The following USP5 variants were observed in gnomAD, a reference collection of about 807,000 sequenced individuals.
USP5 encodes the protein ubiquitin specific peptidase 5, also known as ubiquitin carboxyl-terminal hydrolase 5.
A neutral mutation model predicts 102.5 loss-of-function variants in USP5; 24 were observed. The ratio of observed to expected loss-of-function variants is 0.23; its 90% CI spans 0.17 to 0.33. The LOEUF is 0.33. Ranked by LOEUF, USP5 falls within the 10% of genes least tolerant of loss-of-function variation. The pLI, the probability that USP5 is intolerant of heterozygous loss-of-function variation, is 1.00. For synonymous variants in USP5, 460 were observed against 434.8 expected, an observed-to-expected ratio of 1.06 and a Z score of -0.72; for missense variants, 753 against 1,122.1, an observed-to-expected ratio of 0.67 and a Z score of 4.70.
intron 18 of USP5, 130 bp from the exon 19 acceptor site, chr12:6,865,034 T>C: frequency 7.8e-7 from 1 of 1,284,686 alleles, no homozygotes; most frequent in South Asian, 1.4e-5. Flanking sequence ...GGAGACAGGC[T>C]CTGGCCCAGT....
rs781809116 is a variant in USP5, at chr12:6,861,219, G to A, written c.1498+113G>A. On this transcript the variant is annotated intron_variant, in intron 12 of 19. Transcript: ENST00000229268. The surrounding 1 kb of genome is among the most constrained non-coding windows in gnomAD (Gnocchi z 4.9). ...GGGAATGCCCTGCTTCACCAGCCAA[G>A]GTTCCAGTCTGGGCCACCAGGAGTA... 1 of 1,523,962 alleles carries A rather than the reference G, an allele frequency of 6.6e-7. No individual in the cohort carries two copies. Among genetic ancestry groups the A allele is most frequent in the African/African-American group, 1.4e-5 (1 of 72,560 alleles). 94.4% of individuals were successfully genotyped at this position (1,523,962 alleles called of 1,614,324 possible). A position where few individuals can be genotyped will look rare whatever the true frequency, so the allele number is the denominator to read the frequency against.
At chr12:6,857,193 C>T (rs1555128524) in intron 6 of USP5, among the ~76,000 whole-genome samples, 1 of 152,108 alleles carries the variant, frequency 6.6e-6, no homozygotes, top group East Asian at 1.9e-4. Context: ...ACTCAGGAGG[C>T]TGAGGCAGGA....
At position 6,864,407 on chromosome 12, in the gene USP5, T is replaced by C. The variant is rs1402802545; in HGVS notation, c.2244+212T>C. 6.6e-6 allele frequency among the ~76,000 whole-genome samples: 1 copy of C among 152,184 alleles called. No homozygotes were observed. The highest frequency in any genetic ancestry group is 2.4e-5 in the African/African-American group (1 of 41,446). ...TTGTTAAAAATGTAATGCTTCTGTT[T>C]GGCCGGGCGCGGTGGCTCACGCCTG... is the stretch of plus-strand genomic sequence containing the variant. On this transcript the variant is annotated intron_variant, in intron 17 of 19. Transcript: ENST00000229268. The surrounding 1 kb of genome is among the most constrained non-coding windows in gnomAD (Gnocchi z 4.8).
At chr12:6,862,298 C>G (rs978359835) in intron 13 of USP5, among the ~76,000 whole-genome samples, 172 bp from the exon 14 acceptor site, 1 of 152,074 alleles carries the variant, frequency 6.6e-6, no homozygotes, top group Non-Finnish European at 1.5e-5. Flanking sequence ...CTCTACTGCT[C>G]CTCGTTGGCC....
rs1364679966 is a variant in USP5, at chr12:6,863,509, A to G, written c.1954+132A>G. On this transcript the variant is annotated intron_variant, in intron 15 of 19. Transcript: ENST00000229268. This position sits in a 1 kb window ranked among gnomAD's most constrained non-coding sequence, Gnocchi z 4.7. ...ATTTCCTCTGCCCTCTTTGATTGAC[A>G]TGGGGCCTCCCCAGCGCACTCCTAG... The G allele has an allele frequency of 5.1e-6, 6 of 1,187,422 alleles. No individual in the cohort carries two copies. Among genetic ancestry groups the G allele is most frequent in the East Asian group, 2.4e-5 (1 of 41,004 alleles). The allele number at this position is 1,187,422 out of a possible 1,614,324, so 73.6% of individuals were successfully genotyped here.
Position 6,855,677 on chromosome 12 carries a change from ACCTCCTTCCGTC to A in USP5, c.238-71_238-60del. 2 of 1,602,002 alleles carry A rather than the reference ACCTCCTTCCGTC, an allele frequency of 1.2e-6. No homozygotes were observed. The highest frequency in any genetic ancestry group is 1.7e-6 in the Non-Finnish European group (2 of 1,171,394). ...TTATTCCGTTCTGAGATGAAGCACT[ACCTCCTTCCGTC>A]CCTCCTCCCGACTTGTTCCTTCGCT... On this transcript the variant is annotated intron_variant, in intron 2 of 19. Transcript: ENST00000229268. This position sits in a 1 kb window ranked among gnomAD's most constrained non-coding sequence, Gnocchi z 4.6.
chr12:6,854,470 T>G (rs1944049718), intron 1 of USP5, among the ~76,000 whole-genome samples: 1 of 152,122 alleles, frequency 6.6e-6, no homozygotes, highest in South Asian at 2.1e-4. Context: ...GAAAGGTCTT[T>G]TTCGCTGGAT....
In USP5 at chr12:6,861,294, T is replaced by A. The variant is rs932901818; in HGVS notation, c.1499-149T>A. On this transcript the variant is annotated intron_variant, in intron 12 of 19. Transcript: ENST00000229268. This position sits in a 1 kb window ranked among gnomAD's most constrained non-coding sequence, Gnocchi z 4.9. ...CACTCAGCTTGTTAGCAGAGCTGCA[T>A]GGAAACAGGCGAGATATATTGGACA... 1.0e-4 allele frequency: 129 copies of A among 1,285,730 alleles called. No homozygotes were observed. The highest frequency in any genetic ancestry group is 2.7e-4 in the Middle Eastern group (1 of 3,728). The allele number at this position is 1,285,730 out of a possible 1,614,324, so 79.6% of individuals were successfully genotyped here.
rs1944244082 is a variant in USP5 at position 6,860,363 on chromosome 12, C to T, written c.1219-3C>T. 1 of 1,614,040 alleles carries T rather than the reference C, an allele frequency of 6.2e-7. No homozygotes were observed. The highest frequency in any genetic ancestry group is 8.5e-7 in the Non-Finnish European group (1 of 1,180,032). The stretch of plus-strand genomic sequence containing the variant: ...GCTGAGTCCCTGCCCTGACTCTTCC[C>T]AGGAAGTTCAAGATGGCATTGCCCC... On this transcript the variant is annotated splice_polypyrimidine_tract_variant and splice_region_variant and intron_variant, in intron 10 of 19. Transcript: ENST00000229268. The surrounding 1 kb of genome is among the most constrained non-coding windows in gnomAD (Gnocchi z 5.5).
chr12:6,861,501 G>C lies in USP5; in HGVS notation c.1557G>C (p.Leu519=). The C allele has an allele frequency of 6.2e-7, 1 of 1,600,516 alleles. No homozygotes were observed. Among genetic ancestry groups the C allele is most frequent in the Non-Finnish European group, 8.6e-7 (1 of 1,169,254 alleles). The change falls in exon 13 of 20, where the codon CTG becomes CTC. Residue 519 remains leucine (L), a synonymous_variant. Coordinates refer to ENST00000229268, the MANE Select transcript of USP5 (RefSeq NM_001098536.2). The surrounding 1 kb of genome is among the most constrained non-coding windows in gnomAD (Gnocchi z 4.9). The part of the protein sequence containing the change: ...KRQAEEEKMA[L]PELVRAQVPF... ...AAGCCGAAGAGGAGAAGATGGCACTGCCAGAACTGGTTCGGGCCCAGGTGC... is the reference window on the plus strand; with the variant it reads ...AAGCCGAAGAGGAGAAGATGGCACTCCCAGAACTGGTTCGGGCCCAGGTGC...
chr12:6,862,604 A>G, intron 14 of USP5, 46 bp downstream of exon 14: 2 of 1,571,578 alleles, frequency 1.3e-6, no homozygotes, highest in Non-Finnish European at 1.8e-6. Flanking sequence ...ATGCTAGAAA[A>G]AGAAGGGGCT....
rs1944122174 is a variant in USP5 at position 6,856,640 on chromosome 12, C to G, written c.585-67C>G. On this transcript the variant is annotated intron_variant, in intron 5 of 19. Transcript: ENST00000229268. The surrounding 1 kb of genome is among the most constrained non-coding windows in gnomAD (Gnocchi z 5.6). ...GGATTGGCGGGGGGCCTGCAGAGCC[C>G]TCTCTCTCTGCCACTCCCTCAAATC... 6.7e-7 allele frequency: 1 copy of G among 1,483,088 alleles called. No homozygotes were observed. Among genetic ancestry groups the G allele is most frequent in the East Asian group, 2.3e-5 (1 of 43,568 alleles). The allele number at this position is 1,483,088 out of a possible 1,614,324, so 91.9% of individuals were successfully genotyped here. A position where few individuals can be genotyped will look rare whatever the true frequency, so the allele number is the denominator to read the frequency against.
intron 9 of USP5, 62 bp downstream of exon 9, chr12:6,859,603 C>G: frequency 6.6e-7 from 1 of 1,523,960 alleles, no homozygotes; most frequent in Admixed American, 1.7e-5. Context: ...CCTTCCTCCT[C>G]CCTGACCGCC....
intron 8 of USP5, among the ~76,000 whole-genome samples, chr12:6,859,138 G>T (rs1222784119): frequency 6.6e-6 from 1 of 152,198 alleles, no homozygotes; most frequent in Non-Finnish European, 1.5e-5. Flanking sequence ...GCAGAAATGA[G>T]TTTACTTTCG....
rs1555129307 is a variant in USP5 at position 6,860,535 on chromosome 12, A to G, written c.1344+44A>G. 1 of 1,609,340 alleles carries G rather than the reference A, an allele frequency of 6.2e-7. No homozygotes were observed. The highest frequency in any genetic ancestry group is 1.7e-5 in the Admixed American group (1 of 59,982). ...GCACACCCCCATCTTCCTGCAATTTACTCGCTCTCCTTCCTGCCCATTTCT... is the reference window on the plus strand; with the variant it reads ...GCACACCCCCATCTTCCTGCAATTTGCTCGCTCTCCTTCCTGCCCATTTCT... On this transcript the variant is annotated intron_variant, in intron 11 of 19. Coordinates refer to ENST00000229268, the MANE Select transcript of USP5 (RefSeq NM_001098536.2). This position sits in a 1 kb window ranked among gnomAD's most constrained non-coding sequence, Gnocchi z 5.5.
chr12:6,857,203 A>T (rs1244045356), intron 6 of USP5, among the ~76,000 whole-genome samples: 1 of 152,136 alleles, frequency 6.6e-6, no homozygotes, highest in East Asian at 1.9e-4. Flanking sequence ...CTGAGGCAGG[A>T]GGATTGTTTG....
chr12:6,865,473 G>C lies in USP5; in HGVS notation c.2483+225G>C, dbSNP rs77625565. Among the ~76,000 whole-genome samples the C allele has an allele frequency of 8.1e-3, 1,239 of 152,244 alleles. 128 individuals carry two copies. In the East Asian group the frequency reaches 0.21, roughly 26 times the overall value. ...AGATGGGATCTCACTATGTTGCCCA[G>C]GCTGGTCTTGAACTCCTGAGCTCAA... On this transcript the variant is annotated intron_variant, in intron 19 of 19. Transcript: ENST00000229268.
At position 6,866,145 on chromosome 12, in the gene USP5, G is replaced by A. The variant is rs1175064711; in HGVS notation, c.*68G>A. The A allele has an allele frequency of 1.4e-6, 2 of 1,435,624 alleles. No individual in the cohort carries two copies. Among genetic ancestry groups the A allele is most frequent in the Non-Finnish European group, 2.0e-6 (2 of 1,019,998 alleles). The allele number at this position is 1,435,624 out of a possible 1,614,324, so 88.9% of individuals were successfully genotyped here. ...CCTGGCATGAGGGAGAGGGGCTGAG[G>A]GATGGACTTCAGCCCCTCTGCTCTG... On this transcript the variant is annotated 3_prime_UTR_variant, in exon 20 of 20. Transcript: ENST00000229268. This position sits in a 1 kb window ranked among gnomAD's most constrained non-coding sequence, Gnocchi z 4.7.
Position 6,856,933 on chromosome 12 carries a change from A to G in USP5, c.769+42A>G. 1 of 1,592,714 alleles carries G rather than the reference A, an allele frequency of 6.3e-7. No individual in the cohort carries two copies. Among genetic ancestry groups the G allele is most frequent in the South Asian group, 1.1e-5 (1 of 90,036 alleles). On this transcript the variant is annotated intron_variant, in intron 6 of 19. Coordinates refer to ENST00000229268, the MANE Select transcript of USP5 (RefSeq NM_001098536.2). The surrounding 1 kb of genome is among the most constrained non-coding windows in gnomAD (Gnocchi z 5.6). ...TCCAGCCACTCTCATGCTTAAATAT[A>G]TTTCATTTGTTAGTAATTTCGTGTG...
Sources: allele counts gnomAD v4.1 joint callset (sites outside exome capture counted in the v4.1 genomes callset), GRCh38; gene constraint gnomAD v4.1.1; non-coding constraint Gnocchi (gnomAD v3.1); transcripts MANE v1.5; gene names NCBI Gene and HGNC (gene_info 2026-07-23, HGNC 2026-07-21).